Variants in EXOC4 observed in about 807,000 individuals in gnomAD.
The protein encoded by EXOC4 is exocyst complex component 4, also known as SEC8-like 1.
Under a neutral mutation model 107.2 loss-of-function variants are expected in EXOC4, and 71 were observed. The ratio of observed to expected loss-of-function variants is 0.66; its 90% CI spans 0.55 to 0.81. EXOC4 has a LOEUF of 0.81. Among genes scored for constraint, EXOC4 ranks in the 30% least tolerant of loss-of-function variants. The pLI, the probability that EXOC4 is intolerant of heterozygous loss-of-function variation, is 0.00. For synonymous variants in EXOC4, 456 were observed against 441.2 expected (o/e 1.03, Z -0.42); for missense variants, 1,108 against 1,189.6 (o/e 0.93, Z 1.01).
At chr7:133,304,411 C>T (rs913951563) in intron 3 of EXOC4, among the ~76,000 whole-genome samples, 6 of 152,192 alleles carry the variant, frequency 3.9e-5, no homozygotes, top group African/African-American at 9.6e-5. Flanking sequence ...TGCAAGTCAG[C>T]GTGAAAATGA....
chr7:133,585,378 C>T (rs969485903), intron 9 of EXOC4, among the ~76,000 whole-genome samples: 65 of 152,282 alleles, frequency 4.3e-4, no homozygotes, highest in Non-Finnish European at 8.2e-4. Flanking sequence ...CTTTTGTGCA[C>T]TCTCATTCAT....
chr7:133,696,323 C>G (rs1025629419), intron 10 of EXOC4, among the ~76,000 whole-genome samples: 8 of 152,176 alleles, frequency 5.3e-5, no homozygotes, highest in Admixed American at 1.3e-4. Context: ...ACCAACTGAC[C>G]ACTGAACCAG....
intron 10 of EXOC4, among the ~76,000 whole-genome samples, chr7:133,778,902 A>G (rs1796403648): frequency 6.6e-6 from 1 of 152,214 alleles, no homozygotes; most frequent in Non-Finnish European, 1.5e-5. Context: ...ATAAATTGTT[A>G]CAGTGTTAAT....
chr7:133,646,893 C>T (rs780753031), intron 10 of EXOC4, among the ~76,000 whole-genome samples: 12 of 152,076 alleles, frequency 7.9e-5, no homozygotes, highest in African/African-American at 4.8e-5. Context: ...TAAGACAGCT[C>T]GAAGCCTTTC....
At chr7:134,091,869 T>A in the EXOC4 span, among the ~76,000 whole-genome samples, 5 of 152,170 alleles carry the variant, frequency 3.3e-5, no homozygotes, top group East Asian at 9.6e-4. Flanking sequence ...TTAAACCTTT[T>A]AAAAGACTTT....
intron 10 of EXOC4, among the ~76,000 whole-genome samples, chr7:133,785,562 C>G (rs1476448434): frequency 6.6e-6 from 1 of 152,194 alleles, no homozygotes; most frequent in Non-Finnish European, 1.5e-5. Context: ...CTTACTTTCT[C>G]TAAATTGCCT....
intron 10 of EXOC4, among the ~76,000 whole-genome samples, chr7:133,774,876 T>C (rs770130828): frequency 6.6e-6 from 1 of 152,056 alleles, no homozygotes; most frequent in Non-Finnish European, 1.5e-5. Context: ...AGACTCTTAA[T>C]CCTCCACCCA....
intron 10 of EXOC4, among the ~76,000 whole-genome samples, chr7:133,767,906 T>G (rs1377135316): frequency 6.6e-6 from 1 of 151,972 alleles, no homozygotes; most frequent in East Asian, 1.9e-4. Flanking sequence ...CTCTTTGAAC[T>G]CTTAGATTCA....
intron 6 of EXOC4, among the ~76,000 whole-genome samples, chr7:133,357,227 TG>T (rs1402400792): frequency 6.6e-6 from 1 of 152,268 alleles, no homozygotes; most frequent in Non-Finnish European, 1.5e-5. Flanking sequence ...AGGCAATTTA[TG>T]TATATTATCT....
At chr7:133,838,683 G>T (rs1260232026) in intron 11 of EXOC4, among the ~76,000 whole-genome samples, 2 of 152,148 alleles carry the variant, frequency 1.3e-5, no homozygotes, top group African/African-American at 2.4e-5. Context: ...CAAGTCCATG[G>T]TACTACTTTA....
chr7:133,947,895 A>C (rs547079660), intron 14 of EXOC4, among the ~76,000 whole-genome samples: 2 of 152,350 alleles, frequency 1.3e-5, no homozygotes, highest in Admixed American at 1.3e-4. Context: ...GCAAAACTAT[A>C]AAATGGAAAC....
At chr7:133,363,922 T>TAA (rs1796189153) in intron 6 of EXOC4, among the ~76,000 whole-genome samples, 1 of 152,158 alleles carries the variant, frequency 6.6e-6, no homozygotes, top group South Asian at 2.1e-4. Context: ...AAGAAATTCT[T>TAA]ACGTTGATGA....
intron 14 of EXOC4, among the ~76,000 whole-genome samples, chr7:133,987,743 C>G (rs1035989894): frequency 3.9e-5 from 6 of 152,142 alleles, no homozygotes; most frequent in African/African-American, 1.4e-4. Flanking sequence ...AACCATCTTT[C>G]CCTTTTCAAT....
At chr7:133,842,328 T>C (rs774050653) in intron 11 of EXOC4, among the ~76,000 whole-genome samples, 8 of 152,250 alleles carry the variant, frequency 5.3e-5, no homozygotes, top group Admixed American at 1.3e-4. Context: ...ATTGACTTTT[T>C]AGTAGTAGCC....
chr7:133,736,044 G>T (rs149382905), intron 10 of EXOC4, among the ~76,000 whole-genome samples: 1 of 151,758 alleles, frequency 6.6e-6, no homozygotes, highest in Non-Finnish European at 1.5e-5. Context: ...AGCCTGCATC[G>T]CACGACTACA....
At chr7:133,464,371 C>T (rs1798666797) in intron 7 of EXOC4, among the ~76,000 whole-genome samples, 1 of 152,168 alleles carries the variant, frequency 6.6e-6, no homozygotes, top group South Asian at 2.1e-4. Context: ...GAGTTGATTT[C>T]AAGCACAGAC....
At chr7:133,454,865 G>A (rs750028943) in intron 7 of EXOC4, among the ~76,000 whole-genome samples, 20 of 152,098 alleles carry the variant, frequency 1.3e-4, no homozygotes, top group Non-Finnish European at 2.8e-4. Flanking sequence ...TTGGGATGCC[G>A]AGGCAGGTGG....
chr7:133,943,027 G>A (rs1389390234), intron 14 of EXOC4, among the ~76,000 whole-genome samples: 2 of 152,056 alleles, frequency 1.3e-5, no homozygotes, highest in East Asian at 1.9e-4. Context: ...GCCTTGTGTG[G>A]CTATTTAAAT....
At chr7:133,339,801 ATT>A (rs1396813274) in intron 5 of EXOC4, among the ~76,000 whole-genome samples, 4 of 151,978 alleles carry the variant, frequency 2.6e-5, no homozygotes, top group African/African-American at 9.7e-5. Context: ...TCTTGATTTG[ATT>A]GTCAGCTTGG....
Sources: gnomAD v4.1 joint callset for allele counts (sites outside exome capture counted in the v4.1 genomes callset) on GRCh38, gnomAD v4.1.1 for gene constraint, MANE v1.5 for transcripts, NCBI Gene and HGNC (gene_info 2026-07-23, HGNC 2026-07-21) for gene names.